The following PTPRT variants were observed in gnomAD, a reference collection of about 807,000 sequenced individuals.
PTPRT encodes the protein protein tyrosine phosphatase receptor type T, also known as receptor-type tyrosine-protein phosphatase T.
PTPRT carries 56 observed loss-of-function variants against 176.8 expected under a neutral mutation model. That is an observed-to-expected ratio of 0.32 (90% CI 0.26 to 0.40). PTPRT has a LOEUF of 0.40. Ranked by LOEUF, PTPRT falls within the 10% of genes least tolerant of loss-of-function variation. The probability of loss-of-function intolerance (pLI) is 1.00; values close to 1 mark genes in which losing one functional copy is unlikely to be tolerated. For missense variants in PTPRT, 1,540 were observed against 1,908.2 expected, an observed-to-expected ratio of 0.81 and a Z score of 3.60; for synonymous variants, 783 against 739.0, an observed-to-expected ratio of 1.06 and a Z score of -0.96.
At chr20:42,086,074 A>G (rs887755656) in intron 27 of PTPRT, among the ~76,000 whole-genome samples, 3 of 151,820 alleles carry the variant, frequency 2.0e-5, no homozygotes, top group African/African-American at 7.3e-5. Flanking sequence ...CAGCCTCCCA[A>G]GTAGCTGGGA....
intron 13 of PTPRT, among the ~76,000 whole-genome samples, chr20:42,278,482 A>T (rs2057085264): frequency 6.6e-6 from 1 of 151,872 alleles, no homozygotes; most frequent in African/African-American, 2.4e-5. Flanking sequence ...CACGCAGGCA[A>T]GACTGGTGGG....
At chr20:42,587,692 T>C (rs1238268347) in intron 7 of PTPRT, among the ~76,000 whole-genome samples, 1 of 152,168 alleles carries the variant, frequency 6.6e-6, no homozygotes, top group Non-Finnish European at 1.5e-5. Context: ...CCCAGCTGGC[T>C]ATCTTCAAAT....
chr20:42,529,167 G>A (rs1160730219), intron 7 of PTPRT, among the ~76,000 whole-genome samples: 2 of 152,154 alleles, frequency 1.3e-5, no homozygotes, highest in Non-Finnish European at 2.9e-5. Flanking sequence ...AAGATGTCAC[G>A]CATGGTGCAT....
chr20:42,285,666 A>T (rs2057217116), intron 12 of PTPRT, among the ~76,000 whole-genome samples: 1 of 151,902 alleles, frequency 6.6e-6, no homozygotes, highest in African/African-American at 2.4e-5. Context: ...TATTCAACAC[A>T]GCACTGCAAG....
At chr20:43,075,721 G>A (rs1019783947) in intron 1 of PTPRT, among the ~76,000 whole-genome samples, 11 of 152,196 alleles carry the variant, frequency 7.2e-5, no homozygotes, top group African/African-American at 2.4e-4. Context: ...TGCATGGACC[G>A]ATGGAAGAAC....
At chr20:42,202,721 T>C (rs1159871882) in intron 15 of PTPRT, among the ~76,000 whole-genome samples, 3 of 152,198 alleles carry the variant, frequency 2.0e-5, no homozygotes, top group Non-Finnish European at 4.4e-5. Flanking sequence ...GGAAATCTGA[T>C]AAGAGAGTTA....
In PTPRT at chr20:42,304,137, T is replaced by C. The variant is rs191461253; in HGVS notation, c.2139+11586A>G. 1.5e-3 allele frequency among the ~76,000 whole-genome samples: 231 copies of C among 152,270 alleles called. 1 individual carries two copies. Among genetic ancestry groups the C allele is most frequent in the African/African-American group, 4.9e-3 (205 of 41,566 alleles). ...ACTTGCCTCTCCGTAAGTACGACAT[T>C]CCCAAACTTCCTTTGACATCTCAAT... On this transcript the variant is annotated intron_variant, in intron 12 of 30. Transcript: ENST00000373187.
At chr20:42,870,092 A>G (rs192649268) in intron 2 of PTPRT, among the ~76,000 whole-genome samples, 26 of 152,294 alleles carry the variant, frequency 1.7e-4, no homozygotes, top group Admixed American at 5.9e-4. Flanking sequence ...TTATTCATAA[A>G]TTACCCATTT....
the PTPRT span, among the ~76,000 whole-genome samples, chr20:42,040,064 A>G: frequency 6.6e-6 from 1 of 152,106 alleles, no homozygotes; most frequent in Non-Finnish European, 1.5e-5. Context: ...ACAGTGTGCA[A>G]AAGTTCCCTT....
chr20:43,095,523 C>T (rs535601747), intron 1 of PTPRT, among the ~76,000 whole-genome samples: 1 of 152,064 alleles, frequency 6.6e-6, no homozygotes, highest in East Asian at 1.9e-4. Flanking sequence ...TGGCTCCCCA[C>T]CCACCTTGCA....
chr20:42,199,632 A>G (rs2223718), intron 15 of PTPRT, among the ~76,000 whole-genome samples: 48,066 of 152,082 alleles, frequency 0.32, 8,602 homozygotes, highest in East Asian at 0.38. Flanking sequence ...ATGGGAAATC[A>G]ATGAGACTTG....
chr20:42,634,026 TA>T (rs2074515698), intron 7 of PTPRT, among the ~76,000 whole-genome samples: 1 of 28,066 alleles, frequency 3.6e-5, no homozygotes, highest in African/African-American at 1.6e-4. Flanking sequence ...ATATATAATA[TA>T]TATATTATAT....
At chr20:42,970,479 G>T (rs923431411) in intron 1 of PTPRT, among the ~76,000 whole-genome samples, 1 of 152,130 alleles carries the variant, frequency 6.6e-6, no homozygotes, top group Admixed American at 6.5e-5. Context: ...GAAATCCTGG[G>T]TCAGCCACTT....
intron 17 of PTPRT, among the ~76,000 whole-genome samples, chr20:42,158,114 G>A (rs1989439911): frequency 6.6e-6 from 1 of 152,224 alleles, no homozygotes; most frequent in African/African-American, 2.4e-5. Context: ...ATCAATGAAT[G>A]CAAGAGATTG....
At chr20:42,808,316 A>C (rs2077643463) in intron 2 of PTPRT, among the ~76,000 whole-genome samples, 1 of 152,176 alleles carries the variant, frequency 6.6e-6, no homozygotes, top group Non-Finnish European at 1.5e-5. Context: ...CAACAGTGAC[A>C]ATGGGTCTGG....
At chr20:43,171,269 TA>T (rs1188719758) in intron 1 of PTPRT, among the ~76,000 whole-genome samples, 1 of 152,210 alleles carries the variant, frequency 6.6e-6, no homozygotes, top group African/African-American at 2.4e-5. Context: ...GATTCAAGAT[TA>T]AAATTGCTGA....
intron 2 of PTPRT, among the ~76,000 whole-genome samples, chr20:42,840,621 C>T (rs1442266550): frequency 1.3e-5 from 2 of 152,122 alleles, no homozygotes; most frequent in African/African-American, 4.8e-5. Flanking sequence ...CCATGTTGGC[C>T]AGGCTGGTCT....
At chr20:42,395,197 A>C (rs1371860084) in intron 9 of PTPRT, among the ~76,000 whole-genome samples, 1 of 151,750 alleles carries the variant, frequency 6.6e-6, no homozygotes, top group Non-Finnish European at 1.5e-5. Context: ...AACCTCCAAC[A>C]CCTCCACGCT....
intron 8 of PTPRT, among the ~76,000 whole-genome samples, chr20:42,463,409 TA>T (rs546494899): frequency 6.6e-6 from 1 of 151,964 alleles, no homozygotes; most frequent in Non-Finnish European, 1.5e-5. Flanking sequence ...TTCATTCTCT[TA>T]AAAAAAAGCA....
Sources: allele counts gnomAD v4.1 joint callset (sites outside exome capture counted in the v4.1 genomes callset), GRCh38; gene constraint gnomAD v4.1.1; transcripts MANE v1.5; gene names NCBI Gene and HGNC (gene_info 2026-07-23, HGNC 2026-07-21).